RANBP2: variants seen among roughly 807,000 people sequenced by gnomAD.
RANBP2 encodes the protein E3 SUMO-protein ligase RanBP2.
Under a neutral mutation model 303.6 loss-of-function variants are expected in RANBP2, and 57 were observed. The ratio of observed to expected loss-of-function variants is 0.19; its 90% CI spans 0.15 to 0.23. The LOEUF is 0.23. RANBP2 is among the 10% of genes least tolerant of loss of function. The pLI is 1.00. For missense variants in RANBP2, 3,138 were observed against 3,780.8 expected, an observed-to-expected ratio of 0.83 and a Z score of 4.46; for synonymous variants, 1,167 against 1,301.5, an observed-to-expected ratio of 0.90 and a Z score of 2.23.
the RANBP2 span, among the ~76,000 whole-genome samples, chr2:108,845,178 A>AT: frequency 6.6e-6 from 1 of 151,938 alleles, no homozygotes; most frequent in Non-Finnish European, 1.5e-5. Flanking sequence ...AGTTTTGAAC[A>AT]TTTTTTTCTA....
chr2:109,244,319 T>C, the RANBP2 span, among the ~76,000 whole-genome samples: 1 of 152,306 alleles, frequency 6.6e-6, no homozygotes, highest in Middle Eastern at 3.4e-3. Flanking sequence ...ATTTTGCATC[T>C]AGGAGCAGGT....
At chr2:109,521,011 C>T in the RANBP2 span, among the ~76,000 whole-genome samples, 1 of 149,632 alleles carries the variant, frequency 6.7e-6, no homozygotes, top group African/African-American at 2.5e-5. Context: ...GGGCAGATCA[C>T]GAGGTCAGGA....
At chr2:108,994,408 T>A in the RANBP2 span, among the ~76,000 whole-genome samples, 3 of 152,354 alleles carry the variant, frequency 2.0e-5, no homozygotes, top group African/African-American at 7.2e-5. Flanking sequence ...TCGCTGAGAA[T>A]GGCTTTACGA....
At chr2:109,535,497 T>A in the RANBP2 span, among the ~76,000 whole-genome samples, 1 of 152,182 alleles carries the variant, frequency 6.6e-6, no homozygotes, top group African/African-American at 2.4e-5. Flanking sequence ...GTGGGCTGTT[T>A]TGAGTTGTGT....
the RANBP2 span, among the ~76,000 whole-genome samples, chr2:108,954,678 CT>C: frequency 7.3e-4 from 107 of 146,772 alleles, no homozygotes; most frequent in Non-Finnish European, 1.1e-3. Flanking sequence ...GGAAGATAAT[CT>C]TTTTTTTTTT....
chr2:109,484,464 C>T, the RANBP2 span, among the ~76,000 whole-genome samples: 1 of 152,072 alleles, frequency 6.6e-6, no homozygotes, highest in African/African-American at 2.4e-5. Flanking sequence ...TGTTCCACAC[C>T]TCTGACCACT....
chr2:108,880,226 A>AACAAAC, the RANBP2 span, among the ~76,000 whole-genome samples: 1 of 57,124 alleles, frequency 1.8e-5, no homozygotes, highest in African/African-American at 3.8e-5. Flanking sequence ...AAAACAAACA[A>AACAAAC]AAAAAAAAAC....
At chr2:109,397,955 G>A in the RANBP2 span, among the ~76,000 whole-genome samples, 1 of 152,170 alleles carries the variant, frequency 6.6e-6, no homozygotes, top group Non-Finnish European at 1.5e-5. Flanking sequence ...CTGAGACCTC[G>A]CCAAATCACT....
At chr2:108,871,480 G>A in the RANBP2 span, among the ~76,000 whole-genome samples, 1 of 151,968 alleles carries the variant, frequency 6.6e-6, no homozygotes, top group African/African-American at 2.4e-5. Context: ...TGAACCCAGA[G>A]GGAGGAGGCT....
At chr2:109,204,988 AC>A in the RANBP2 span, among the ~76,000 whole-genome samples, 1 of 152,164 alleles carries the variant, frequency 6.6e-6, no homozygotes, top group African/African-American at 2.4e-5. Context: ...CAGGAGGATC[AC>A]TTGAAGCCAG....
the RANBP2 span, among the ~76,000 whole-genome samples, chr2:109,091,463 G>A: frequency 2.1e-3 from 317 of 152,242 alleles, 1 homozygote; most frequent in African/African-American, 7.0e-3. Flanking sequence ...CCTGGAGACT[G>A]ATCTGAGTAA....
the RANBP2 span, among the ~76,000 whole-genome samples, chr2:108,996,236 C>T: frequency 1.3e-5 from 2 of 152,122 alleles, no homozygotes; most frequent in East Asian, 3.9e-4. Flanking sequence ...AGGTTTGAAC[C>T]CCAGGAAGGT....
intron 17 of RANBP2, 66 bp from the exon 18 acceptor site, chr2:108,758,347 C>T (rs76356669): frequency 5.6e-6 from 9 of 1,601,250 alleles, no homozygotes; most frequent in East Asian, 4.5e-5. Flanking sequence ...TAAGTTTCCC[C>T]AGCACTGTTT....
chr2:109,491,048 G>A, the RANBP2 span: 1 of 1,051,002 alleles, frequency 9.5e-7, no homozygotes, highest in Non-Finnish European at 1.3e-6. Flanking sequence ...AGGTTTACCA[G>A]ATGTACCTCA....
At chr2:109,129,496 C>G in the RANBP2 span, 9 of 1,495,296 alleles carry the variant, frequency 6.0e-6, no homozygotes, top group Non-Finnish European at 8.0e-6. Flanking sequence ...CACGCCGGCC[C>G]CGGGACCTAG....
At chr2:109,037,495 G>C in the RANBP2 span, among the ~76,000 whole-genome samples, 1 of 152,082 alleles carries the variant, frequency 6.6e-6, no homozygotes, top group Non-Finnish European at 1.5e-5. Flanking sequence ...AAAGCACAAA[G>C]ATTAGAAGGA....
chr2:109,570,797 C>T, the RANBP2 span, among the ~76,000 whole-genome samples: 1 of 152,124 alleles, frequency 6.6e-6, no homozygotes, highest in South Asian at 2.1e-4. Flanking sequence ...GCTGGGATTA[C>T]AAGCATGGGC....
chr2:108,835,202 G>T, the RANBP2 span, among the ~76,000 whole-genome samples: 4 of 152,312 alleles, frequency 2.6e-5, no homozygotes, highest in South Asian at 8.3e-4. Flanking sequence ...CTACTGTAGT[G>T]TAAGTTTCAT....
At chr2:109,419,639 A>G in the RANBP2 span, 4 of 1,574,630 alleles carry the variant, frequency 2.5e-6, no homozygotes, top group Non-Finnish European at 3.4e-6. Context: ...CTGCCCCTCA[A>G]CGTGTGAGCT....
Sources: allele counts gnomAD v4.1 joint callset (sites outside exome capture counted in the v4.1 genomes callset), GRCh38; gene constraint gnomAD v4.1.1; transcripts MANE v1.5; gene names NCBI Gene and HGNC (gene_info 2026-07-23, HGNC 2026-07-21).